Variants in NALF1 observed in about 807,000 individuals in gnomAD.
NALF1 encodes family with sequence similarity 155 member A.
Under a neutral mutation model 48.4 loss-of-function variants are expected in NALF1, and 3 were observed. The observed-to-expected ratio is 0.06, with a 90% CI of 0.03 to 0.16. The LOEUF is 0.16. NALF1 is among the 10% of genes least tolerant of loss of function. The pLI, the probability that NALF1 is intolerant of heterozygous loss-of-function variation, is 1.00. For missense variants in NALF1, 526 were observed against 571.5 expected, an observed-to-expected ratio of 0.92 and a Z score of 0.81; for synonymous variants, 262 against 245.7, an observed-to-expected ratio of 1.07 and a Z score of -0.62.
In NALF1 at chr13:107,646,409, G is replaced by A. The variant is rs190112762; in HGVS notation, c.915+219273C>T. Reference sequence around the variant, plus strand: ...CAGTGAAATAAAATGTCATCTGATGGGATTTTCGTCTTTTCTAAAATTGAG... The same window carrying A: ...CAGTGAAATAAAATGTCATCTGATGAGATTTTCGTCTTTTCTAAAATTGAG... On this transcript the variant is annotated intron_variant, in intron 1 of 2. Coordinates refer to ENST00000375915, the MANE Select transcript of NALF1 (RefSeq NM_001080396.3). 5.6e-3 allele frequency among the ~76,000 whole-genome samples: 847 copies of A among 151,934 alleles called. 3 individuals are homozygous for A. The highest frequency in any genetic ancestry group is 9.7e-3 in the Non-Finnish European group (659 of 67,938).
intron 1 of NALF1, among the ~76,000 whole-genome samples, chr13:107,487,003 A>T (rs1021649178): frequency 2.6e-5 from 4 of 152,276 alleles, no homozygotes; most frequent in Admixed American, 6.5e-5. Flanking sequence ...GAGAGACCTC[A>T]TTATACATAA....
intron 1 of NALF1, among the ~76,000 whole-genome samples, chr13:107,840,736 C>A (rs1442382904): frequency 6.6e-6 from 1 of 152,108 alleles, no homozygotes; most frequent in Non-Finnish European, 1.5e-5. Flanking sequence ...TGGACCAAAA[C>A]CAACTTGAAA....
intron 1 of NALF1, among the ~76,000 whole-genome samples, chr13:107,285,529 T>A (rs1000598774): frequency 3.3e-5 from 5 of 152,190 alleles, no homozygotes; most frequent in African/African-American, 1.2e-4. Flanking sequence ...TGTACACTTG[T>A]ACACCATATA....
At chr13:107,645,366 T>C (rs536346147) in intron 1 of NALF1, among the ~76,000 whole-genome samples, 5 of 152,252 alleles carry the variant, frequency 3.3e-5, no homozygotes, top group Middle Eastern at 6.8e-3. Context: ...TGTCCCCACC[T>C]TCAAAGATGT....
chr13:107,537,921 G>A (rs1403030128), intron 1 of NALF1, among the ~76,000 whole-genome samples: 1 of 152,068 alleles, frequency 6.6e-6, no homozygotes, highest in African/African-American at 2.4e-5. Context: ...GAGACACTGA[G>A]GCAGGAGAAC....
chr13:107,830,316 A>C (rs1431354698), intron 1 of NALF1, among the ~76,000 whole-genome samples: 1 of 152,212 alleles, frequency 6.6e-6, no homozygotes, highest in Non-Finnish European at 1.5e-5. Context: ...ATATCAAGGT[A>C]ATTATCTATG....
chr13:107,267,265 G>A (rs1040571792), intron 1 of NALF1, among the ~76,000 whole-genome samples: 2 of 152,134 alleles, frequency 1.3e-5, no homozygotes, highest in Non-Finnish European at 2.9e-5. Flanking sequence ...TTACAGCCTA[G>A]GTGAGAATGT....
At chr13:107,608,223 C>T (rs1293552766) in intron 1 of NALF1, among the ~76,000 whole-genome samples, 1 of 152,056 alleles carries the variant, frequency 6.6e-6, no homozygotes. Flanking sequence ...GGGAATCATG[C>T]CGTTGGGATC....
chr13:107,711,251 T>C (rs1249324693), intron 1 of NALF1, among the ~76,000 whole-genome samples: 1 of 152,156 alleles, frequency 6.6e-6, no homozygotes, highest in Admixed American at 6.5e-5. Flanking sequence ...CTTTTTCCAG[T>C]AGAGATTCCA....
Position 107,167,518 on chromosome 13 carries a change from T to C in NALF1, c.*2979A>G, listed in dbSNP as rs977673242. ...GTCCAGTGGAAATATTGCGGGAAAG[T>C]GGTTACACACTTACACTAATAAATA... On this transcript the variant is annotated 3_prime_UTR_variant, in exon 3 of 3. Transcript: ENST00000375915. The C allele has an allele frequency of 6.6e-6, 1 of 152,210 alleles. No individual in the cohort carries two copies. The highest frequency in any genetic ancestry group is 2.4e-5 in the African/African-American group (1 of 41,450). The allele number at this position is 152,210 out of a possible 1,614,324, so 9.4% of individuals were successfully genotyped here.
chr13:107,763,447 A>T (rs10508188), intron 1 of NALF1, among the ~76,000 whole-genome samples: 16,739 of 148,726 alleles, frequency 0.11, 1,066 homozygotes, highest in African/African-American at 0.16. Flanking sequence ...TGGGATCTAT[A>T]CCACTGTGTT....
intron 1 of NALF1, among the ~76,000 whole-genome samples, chr13:107,375,923 TACAC>T (rs373266204): frequency 3.3e-5 from 5 of 149,414 alleles, no homozygotes; most frequent in African/African-American, 9.8e-5. Context: ...CAACCTGCTA[TACAC>T]ACACACACAC....
intron 1 of NALF1, among the ~76,000 whole-genome samples, chr13:107,533,738 A>T (rs1030150153): frequency 2.0e-5 from 3 of 152,102 alleles, no homozygotes; most frequent in African/African-American, 7.2e-5. Flanking sequence ...CAACAAAGCA[A>T]CACCCCCAAA....
At chr13:107,268,373 G>A (rs1313085882) in intron 1 of NALF1, among the ~76,000 whole-genome samples, 1 of 151,974 alleles carries the variant, frequency 6.6e-6, no homozygotes, top group African/African-American at 2.4e-5. Flanking sequence ...CACAGATGAG[G>A]GGGGACTACT....
intron 1 of NALF1, among the ~76,000 whole-genome samples, chr13:107,332,122 T>G (rs896066224): frequency 3.9e-5 from 6 of 152,252 alleles, no homozygotes; most frequent in Non-Finnish European, 8.8e-5. Context: ...AAACCCATTT[T>G]GTTTATAAAA....
At chr13:107,271,797 TA>T (rs773105365) in intron 1 of NALF1, among the ~76,000 whole-genome samples, 5,307 of 134,334 alleles carry the variant, frequency 0.04, 207 homozygotes, top group African/African-American at 0.055. Context: ...TATATATATA[TA>T]TATATATATA....
At chr13:107,560,264 A>G (rs11843418) in intron 1 of NALF1, among the ~76,000 whole-genome samples, 29,160 of 152,002 alleles carry the variant, frequency 0.19, 3,000 homozygotes, top group South Asian at 0.29. Flanking sequence ...CCAGAAAAGG[A>G]GGAAAATGAG....
intron 1 of NALF1, among the ~76,000 whole-genome samples, chr13:107,652,362 G>A (rs1197556933): frequency 6.6e-6 from 1 of 152,056 alleles, no homozygotes; most frequent in Non-Finnish European, 1.5e-5. Flanking sequence ...GTTATTATTA[G>A]AGAAATAGTT....
intron 1 of NALF1, among the ~76,000 whole-genome samples, chr13:107,510,067 C>G (rs756774332): frequency 1.3e-5 from 2 of 152,046 alleles, no homozygotes; most frequent in African/African-American, 4.8e-5. Context: ...CTTGGGCCTC[C>G]GAAAGGGCTG....
Sources: gnomAD v4.1 joint callset for allele counts (sites outside exome capture counted in the v4.1 genomes callset) on GRCh38, gnomAD v4.1.1 for gene constraint, MANE v1.5 for transcripts, NCBI Gene and HGNC (gene_info 2026-07-23, HGNC 2026-07-21) for gene names.